The following EXOC4 variants were observed in gnomAD, a reference collection of about 807,000 sequenced individuals.
EXOC4 encodes SEC8-like 1.
Under a neutral mutation model 107.2 loss-of-function variants are expected in EXOC4, and 71 were observed. That is an observed-to-expected ratio of 0.66 (90% confidence interval 0.55 to 0.81). The LOEUF (loss-of-function observed/expected upper bound fraction) is 0.81, where lower values mean the gene tolerates loss of function less well. Ranked by LOEUF, EXOC4 falls within the 30% of genes least tolerant of loss-of-function variation. The pLI, the probability that EXOC4 is intolerant of heterozygous loss-of-function variation, is 0.00. For missense variants in EXOC4, 1,108 were observed against 1,189.6 expected, an observed-to-expected ratio of 0.93 and a Z score of 1.01; for synonymous variants, 456 against 441.2, an observed-to-expected ratio of 1.03 and a Z score of -0.42.
intron 13 of EXOC4, among the ~76,000 whole-genome samples, chr7:133,935,587 G>A (rs1800281508): frequency 3.3e-5 from 5 of 152,038 alleles, no homozygotes; most frequent in Admixed American, 3.3e-4. Context: ...ACTTCCTCCT[G>A]CTCACTCTTA....
intron 9 of EXOC4, among the ~76,000 whole-genome samples, chr7:133,484,908 C>T (rs1043491165): frequency 6.6e-6 from 1 of 151,032 alleles, no homozygotes; most frequent in Non-Finnish European, 1.5e-5. Flanking sequence ...GGTGAAACCC[C>T]CTCTCTACTA....
chr7:133,404,535 A>G (rs976828793), intron 7 of EXOC4, among the ~76,000 whole-genome samples: 6 of 151,748 alleles, frequency 4.0e-5, no homozygotes, highest in Non-Finnish European at 5.9e-5. Context: ...CTTGCCTCCA[A>G]TCTTTTGCAC....
chr7:133,977,738 T>TGTTTTG (rs1554429809), intron 14 of EXOC4, among the ~76,000 whole-genome samples: 30 of 88,264 alleles, frequency 3.4e-4, no homozygotes, highest in African/African-American at 1.0e-3. Flanking sequence ...TTTTGTTGTT[T>TGTTTTG]TGTGTGTGTG....
chr7:134,074,613 A>G, the EXOC4 span, among the ~76,000 whole-genome samples: 1 of 152,328 alleles, frequency 6.6e-6, no homozygotes, highest in East Asian at 1.9e-4. Flanking sequence ...GGGGATGCCT[A>G]GTTCATGTCT....
At chr7:133,729,639 C>G (rs1004216628) in intron 10 of EXOC4, among the ~76,000 whole-genome samples, 1 of 152,104 alleles carries the variant, frequency 6.6e-6, no homozygotes, top group Non-Finnish European at 1.5e-5. Flanking sequence ...TACAGAATAA[C>G]TTCTTTGGTC....
chr7:133,379,548 A>G (rs931955356), intron 7 of EXOC4, among the ~76,000 whole-genome samples: 1 of 152,162 alleles, frequency 6.6e-6, no homozygotes, highest in Non-Finnish European at 1.5e-5. Flanking sequence ...GTATTATACT[A>G]CTATGACATT....
chr7:133,253,272 C>T (rs1427738209), intron 1 of EXOC4, 85 bp downstream of exon 1: 2 of 1,482,510 alleles, frequency 1.3e-6, no homozygotes, highest in Non-Finnish European at 1.8e-6. Flanking sequence ...AGCTGGGTCC[C>T]ACCCTGCTCT....
chr7:133,288,022 A>C (rs1794320995), intron 2 of EXOC4, among the ~76,000 whole-genome samples: 1 of 152,208 alleles, frequency 6.6e-6, no homozygotes, highest in East Asian at 1.9e-4. Flanking sequence ...TTCATGGGTA[A>C]ATTTTACCTC....
chr7:133,473,876 A>G (rs1024604257), intron 7 of EXOC4, among the ~76,000 whole-genome samples: 1 of 151,512 alleles, frequency 6.6e-6, no homozygotes, highest in Admixed American at 6.6e-5. Flanking sequence ...AATTTTTTGT[A>G]TTTTTAGTAG....
rs191752335 is a variant in EXOC4 at position 133,325,851 on chromosome 7, A to G, written c.763+8461A>G. Among the ~76,000 whole-genome samples the G allele has an allele frequency of 1.1e-4, 16 of 152,304 alleles. No homozygotes were observed. The South Asian group carries it at 2.9e-3, about 28-fold the overall frequency. On this transcript the variant is annotated intron_variant, in intron 5 of 17. Coordinates refer to ENST00000253861, the MANE Select transcript of EXOC4 (RefSeq NM_021807.4). The stretch of plus-strand genomic sequence containing the variant: ...CTCCCTGTCGCTTTCAGGTACACCA[A>G]TCAGACATAGATTTGGTCTTTTCAC...
intron 12 of EXOC4, among the ~76,000 whole-genome samples, chr7:133,913,598 G>A (rs997829783): frequency 1.3e-5 from 2 of 152,176 alleles, no homozygotes; most frequent in Non-Finnish European, 2.9e-5. Flanking sequence ...TTGAATAACA[G>A]GATGGCTTGA....
chr7:133,478,972 G>T (rs1421667989), intron 8 of EXOC4: 1 of 152,152 alleles, frequency 6.6e-6, no homozygotes, highest in African/African-American at 2.4e-5. Flanking sequence ...CTCACAGACT[G>T]ACATTCATCT....
chr7:133,511,342 G>A (rs1374550983), intron 9 of EXOC4, among the ~76,000 whole-genome samples: 1 of 151,962 alleles, frequency 6.6e-6, no homozygotes, highest in African/African-American at 2.4e-5. Context: ...TGGGTTTCTA[G>A]GGGCAAAAAA....
chr7:134,019,254 T>C (rs1794975826), intron 17 of EXOC4, among the ~76,000 whole-genome samples: 1 of 152,186 alleles, frequency 6.6e-6, no homozygotes, highest in African/African-American at 2.4e-5. Flanking sequence ...AGAGAGCATC[T>C]GTAGCTAAAT....
At chr7:133,318,009 A>G (rs892000851) in intron 5 of EXOC4, among the ~76,000 whole-genome samples, 4 of 152,192 alleles carry the variant, frequency 2.6e-5, no homozygotes, top group African/African-American at 9.6e-5. Context: ...GATAGAGCAT[A>G]TGCTTTCCAT....
intron 10 of EXOC4, among the ~76,000 whole-genome samples, chr7:133,642,189 G>A (rs1218471122): frequency 6.6e-6 from 1 of 152,054 alleles, no homozygotes; most frequent in East Asian, 1.9e-4. Flanking sequence ...AATACTCGCT[G>A]AGTGCTTACT....
At chr7:133,820,880 G>T (rs1222275714) in intron 11 of EXOC4, among the ~76,000 whole-genome samples, 1 of 152,186 alleles carries the variant, frequency 6.6e-6, no homozygotes, top group African/African-American at 2.4e-5. Flanking sequence ...CTCTGAAGTG[G>T]CATCTGGGCA....
chr7:133,647,886 A>G (rs1803033755), intron 10 of EXOC4, among the ~76,000 whole-genome samples: 1 of 152,162 alleles, frequency 6.6e-6, no homozygotes, highest in South Asian at 2.1e-4. Flanking sequence ...TTTCTGTTAA[A>G]AAAATCAGCC....
intron 17 of EXOC4, among the ~76,000 whole-genome samples, chr7:134,033,719 T>C (rs958084095): frequency 5.3e-5 from 8 of 152,022 alleles, no homozygotes; most frequent in Non-Finnish European, 1.0e-4. Flanking sequence ...AATGAAGAAA[T>C]AGCCTCACCT....
Sources: gnomAD v4.1 joint callset for allele counts (sites outside exome capture counted in the v4.1 genomes callset) on GRCh38, gnomAD v4.1.1 for gene constraint, MANE v1.5 for transcripts, NCBI Gene and HGNC (gene_info 2026-07-23, HGNC 2026-07-21) for gene names.